The following SMAD9 variants were observed in gnomAD, a reference collection of about 807,000 sequenced individuals.
SMAD9 encodes MAD homolog 9.
SMAD9 carries 36 observed loss-of-function variants against 46.1 expected under a neutral mutation model. That is an observed-to-expected ratio of 0.78 (90% confidence interval 0.60 to 1.03). SMAD9 has a LOEUF of 1.03. Ranked by LOEUF, SMAD9 falls within the 50% of genes least tolerant of loss-of-function variation. The pLI is 0.00. For missense variants in SMAD9, 572 were observed against 599.8 expected (o/e 0.95, Z 0.48); for synonymous variants, 245 against 237.1 (o/e 1.03, Z -0.31).
chr13:36,874,094 G>T (rs2058322318), intron 2 of SMAD9, among the ~76,000 whole-genome samples: 1 of 152,174 alleles, frequency 6.6e-6, no homozygotes, highest in Non-Finnish European at 1.5e-5. Flanking sequence ...CAAAACTGTT[G>T]TTGAAGAGCC....
chr13:36,866,720 C>A (rs1006139894), intron 4 of SMAD9, among the ~76,000 whole-genome samples: 1 of 152,134 alleles, frequency 6.6e-6, no homozygotes, highest in African/African-American at 2.4e-5. Flanking sequence ...GGAACAGTAG[C>A]CTCCGCATTA....
intron 1 of SMAD9, among the ~76,000 whole-genome samples, chr13:36,896,442 T>C (rs191207285): frequency 2.6e-5 from 4 of 152,268 alleles, no homozygotes; most frequent in East Asian, 3.9e-4. Flanking sequence ...CGATTTTTTA[T>C]TTACTAAACA....
At position 36,859,126 on chromosome 13, in the gene SMAD9, C is replaced by T. The variant is rs564542823; in HGVS notation, c.1004-5451G>A. ...CAGGATATTAAGTATTCTGCAACAT[C>T]AAGTTTAATGACTGTAACAGTGTGA... On this transcript the variant is annotated intron_variant, in intron 5 of 6. Coordinates refer to ENST00000379826, the MANE Select transcript of SMAD9 (RefSeq NM_001127217.3). Among the ~76,000 whole-genome samples, 7 of 152,314 alleles carry T rather than the reference C, an allele frequency of 4.6e-5. No individual in the cohort carries two copies. The South Asian group carries it at 1.5e-3, about 32-fold the overall frequency.
intron 1 of SMAD9, among the ~76,000 whole-genome samples, chr13:36,918,130 ATTAC>A (rs922940043): frequency 5.9e-5 from 9 of 152,234 alleles, no homozygotes; most frequent in Admixed American, 2.6e-4. Context: ...ATATTTTCTG[ATTAC>A]TTACTAACTA....
At chr13:36,865,891 A>G (rs2058229455) in intron 4 of SMAD9, 133 bp from the exon 5 acceptor site, 2 of 734,174 alleles carry the variant, frequency 2.7e-6, no homozygotes, top group Non-Finnish European at 4.7e-6. Context: ...CCGCTCTGCA[A>G]TCTTTTAGAA....
At chr13:36,876,908 A>G (rs1308642496) in intron 2 of SMAD9, among the ~76,000 whole-genome samples, 1 of 152,192 alleles carries the variant, frequency 6.6e-6, no homozygotes. Flanking sequence ...TTAAAAAAAC[A>G]CAAGTAAGAA....
chr13:36,883,821 T>C (rs745404196), intron 1 of SMAD9, among the ~76,000 whole-genome samples: 2 of 152,202 alleles, frequency 1.3e-5, no homozygotes, highest in Non-Finnish European at 2.9e-5. Flanking sequence ...CCAAGATTTT[T>C]TGGTGTGGTA....
chr13:36,909,038 T>C (rs1374770049), intron 1 of SMAD9, among the ~76,000 whole-genome samples: 1 of 152,244 alleles, frequency 6.6e-6, no homozygotes, highest in East Asian at 1.9e-4. Flanking sequence ...ATCCCTAAAA[T>C]ACAGTTCTCT....
intron 1 of SMAD9, among the ~76,000 whole-genome samples, chr13:36,882,565 G>A (rs1453404886): frequency 1.3e-5 from 2 of 152,072 alleles, no homozygotes; most frequent in African/African-American, 4.8e-5. Flanking sequence ...TTTTACTGCT[G>A]CAAGATACCA....
chr13:36,852,362 A>T (rs955682110), intron 6 of SMAD9: 18 of 985,138 alleles, frequency 1.8e-5, no homozygotes, highest in Middle Eastern at 1.0e-3. Context: ...ATACTTTGAT[A>T]AGCCCATATT....
chr13:36,891,092 CCG>C (rs1313295557), intron 1 of SMAD9, among the ~76,000 whole-genome samples: 2 of 152,060 alleles, frequency 1.3e-5, no homozygotes, highest in Non-Finnish European at 2.9e-5. Flanking sequence ...TTCCTCCTTC[CCG>C]CTTTGGTCCT....
At position 36,903,547 on chromosome 13, in the gene SMAD9, AT is replaced by A. The variant is rs996855045; in HGVS notation, c.-187+16568del. Among the ~76,000 whole-genome samples, 77 of 152,238 alleles carry A rather than the reference AT, an allele frequency of 5.1e-4. 1 individual carries two copies. Among genetic ancestry groups the A allele is most frequent in the African/African-American group, 1.7e-3 (70 of 41,552 alleles). ...AAAATCAGTAACTATCACATTAAAC[AT>A]TTTTTTCAAAAATAAAACATCAGGT... On this transcript the variant is annotated intron_variant, in intron 1 of 6. Transcript: ENST00000379826.
Position 36,853,159 on chromosome 13 carries a change from C to G in SMAD9, c.1260+260G>C, listed in dbSNP as rs554526817. On this transcript the variant is annotated intron_variant, in intron 6 of 6. Transcript: ENST00000379826. The stretch of plus-strand genomic sequence containing the variant: ...AATCAGCCAAGCGTGGTGGTGCGTG[C>G]CTGTAGTCCCAGCTACCCGGGAGGC... Among the ~76,000 whole-genome samples the G allele has an allele frequency of 1.6e-4, 25 of 152,214 alleles. No individual in the cohort carries two copies. The East Asian group carries it at 4.6e-3, about 28-fold the overall frequency.
Position 36,869,188 on chromosome 13 carries a change from T to C in SMAD9, c.671-1805A>G, listed in dbSNP as rs1233134040. 5.3e-5 allele frequency among the ~76,000 whole-genome samples: 8 copies of C among 151,620 alleles called. No homozygotes were observed. The East Asian group carries it at 5.8e-4, about 11-fold the overall frequency. The stretch of plus-strand genomic sequence containing the variant: ...ATGAAAAAATTTTTGAAAATAGATA[T>C]GGTGATGGTTGCACAACATTATGAA... On this transcript the variant is annotated intron_variant, in intron 3 of 6. Transcript: ENST00000379826.
At chr13:36,903,126 G>GTTTTT (rs375828906) in intron 1 of SMAD9, among the ~76,000 whole-genome samples, 1 of 127,620 alleles carries the variant, frequency 7.8e-6, no homozygotes, top group Non-Finnish European at 1.6e-5. Context: ...TTTTCTTTTG[G>GTTTTT]TTTTTTTTTT....
rs17804636 is a variant in SMAD9, at chr13:36,847,806, A to G, written c.*870T>C. ...GCTTCTTGACACAGGACTGAAACAC[A>G]AGCTATTCTGGCACGCTGCGCAGAC... On this transcript the variant is annotated 3_prime_UTR_variant, in exon 7 of 7. Transcript: ENST00000379826. 6,216 of 152,292 alleles carry G rather than the reference A, an allele frequency of 0.041. 167 individuals carry two copies. The highest frequency in any genetic ancestry group is 0.062 in the Non-Finnish European group (4,235 of 68,016). The allele number at this position is 152,292 out of a possible 1,614,324, so 9.4% of individuals were successfully genotyped here.
intron 5 of SMAD9, among the ~76,000 whole-genome samples, chr13:36,860,375 T>C (rs1480265969): frequency 1.3e-5 from 2 of 151,776 alleles, no homozygotes; most frequent in East Asian, 1.9e-4. Flanking sequence ...ATACGCTTGA[T>C]CTATCTCAGA....
intron 2 of SMAD9, among the ~76,000 whole-genome samples, chr13:36,876,247 TTCTG>T (rs1426111411): frequency 2.0e-5 from 3 of 152,260 alleles, no homozygotes; most frequent in South Asian, 2.1e-4. Flanking sequence ...AAAAAAACAC[TTCTG>T]TCTTTTTAAA....
chr13:36,919,839 C>T (rs61947048), intron 1 of SMAD9, among the ~76,000 whole-genome samples: 24,326 of 145,584 alleles, frequency 0.17, 2,687 homozygotes, highest in Non-Finnish European at 0.24. Context: ...CCCCACCCCA[C>T]TCCACCCCAG....
Sources: gnomAD v4.1 joint callset for allele counts (sites outside exome capture counted in the v4.1 genomes callset) on GRCh38, gnomAD v4.1.1 for gene constraint, MANE v1.5 for transcripts, NCBI Gene and HGNC (gene_info 2026-07-23, HGNC 2026-07-21) for gene names.